Variants in LRSAM1 observed in about 807,000 individuals in gnomAD.
LRSAM1 encodes the protein leucine rich repeat and sterile alpha motif containing 1.
Under a neutral mutation model 118.1 loss-of-function variants are expected in LRSAM1, and 96 were observed. The ratio of observed to expected loss-of-function variants is 0.81; its 90% CI spans 0.69 to 0.96. The LOEUF is 0.96. Among genes scored for constraint, LRSAM1 ranks in the 40% least tolerant of loss-of-function variants. The pLI is 0.00. For missense variants in LRSAM1, 804 were observed against 915.5 expected, an observed-to-expected ratio of 0.88 and a Z score of 1.57; for synonymous variants, 322 against 364.2, an observed-to-expected ratio of 0.88 and a Z score of 1.32.
At chr9:127,484,263 CTTTT>C (rs35834839) in intron 16 of LRSAM1, among the ~76,000 whole-genome samples, 1 of 133,684 alleles carries the variant, frequency 7.5e-6, no homozygotes, top group Admixed American at 7.7e-5. Flanking sequence ...ATTTCTTTCC[CTTTT>C]TTTTTTTTTT....
intron 8 of LRSAM1, among the ~76,000 whole-genome samples, chr9:127,461,786 C>T (rs569567133): frequency 3.3e-5 from 5 of 152,260 alleles, no homozygotes; most frequent in East Asian, 1.9e-4. Flanking sequence ...CCCGCAGGAG[C>T]GCTCTGCTCG....
Position 127,494,636 on chromosome 9 carries a change from A to T in LRSAM1, c.1600-684A>T, listed in dbSNP as rs551105962. 2.6e-5 allele frequency among the ~76,000 whole-genome samples: 4 copies of T among 152,332 alleles called. No homozygotes were observed. The South Asian group carries it at 6.2e-4, about 24-fold the overall frequency. On this transcript the variant is annotated intron_variant, in intron 21 of 25. Coordinates refer to ENST00000300417, the MANE Select transcript of LRSAM1 (RefSeq NM_001005373.4). ...ACAGTACTCAACGAAGAGTTATCGAATGGCAGAATAAAAGAATCACATTCA... is the reference window on the plus strand; with the variant it reads ...ACAGTACTCAACGAAGAGTTATCGATTGGCAGAATAAAAGAATCACATTCA...
chr9:127,453,166 C>T (rs1403658421), intron 2 of LRSAM1, among the ~76,000 whole-genome samples: 3 of 152,234 alleles, frequency 2.0e-5, no homozygotes, highest in Non-Finnish European at 2.9e-5. Flanking sequence ...ACTGCAACCT[C>T]TGCCTCCTGG....
At chr9:127,479,094 C>T (rs983018719) in intron 12 of LRSAM1, 131 bp downstream of exon 12, 8 of 992,968 alleles carry the variant, frequency 8.1e-6, no homozygotes, top group South Asian at 4.2e-5. Flanking sequence ...TCCTCTTACA[C>T]GCAGTCTGCT....
intron 19 of LRSAM1, 132 bp from the exon 20 acceptor site, chr9:127,491,083 C>A: frequency 1.3e-6 from 1 of 779,568 alleles, no homozygotes; most frequent in Non-Finnish European, 2.3e-6. Flanking sequence ...CCGCAGGTTC[C>A]CCTCATTCCA....
chr9:127,492,756 C>G, intron 20 of LRSAM1, 46 bp from the exon 21 acceptor site: 1 of 1,578,140 alleles, frequency 6.3e-7, no homozygotes, highest in Non-Finnish European at 8.7e-7. Context: ...GGGACTCCTG[C>G]GCTGCCGCCA....
chr9:127,457,528 A>G (rs1834565303), intron 6 of LRSAM1, 135 bp downstream of exon 6: 13 of 819,580 alleles, frequency 1.6e-5, no homozygotes, highest in Non-Finnish European at 2.4e-5. Context: ...TTTGATCAGT[A>G]TGGTTTACTG....
chr9:127,487,049 C>G (rs568734280), intron 17 of LRSAM1, among the ~76,000 whole-genome samples: 29 of 151,908 alleles, frequency 1.9e-4, no homozygotes, highest in Non-Finnish European at 3.1e-4. Flanking sequence ...CCAAACGTAG[C>G]AGTGGGCGCC....
chr9:127,481,591 A>G (rs1290120272), intron 15 of LRSAM1, among the ~76,000 whole-genome samples: 1 of 152,182 alleles, frequency 6.6e-6, no homozygotes, highest in Non-Finnish European at 1.5e-5. Context: ...GATTCTCCAG[A>G]GGATTATGCC....
At chr9:127,493,513 G>A (rs974324643) in intron 21 of LRSAM1, among the ~76,000 whole-genome samples, 13 of 152,202 alleles carry the variant, frequency 8.5e-5, no homozygotes, top group African/African-American at 1.2e-4. Flanking sequence ...ATTCCTTGAC[G>A]TCCTTTCTCA....
intron 15 of LRSAM1, 138 bp from the exon 16 acceptor site, chr9:127,482,812 C>T (rs535790217): frequency 3.3e-5 from 25 of 754,856 alleles, no homozygotes; most frequent in South Asian, 1.2e-4. Flanking sequence ...GCTTGTGATG[C>T]GGTAGGCATC....
chr9:127,477,808 G>T (rs1322703152), intron 11 of LRSAM1, among the ~76,000 whole-genome samples: 2 of 152,104 alleles, frequency 1.3e-5, no homozygotes, highest in Non-Finnish European at 2.9e-5. Context: ...AGCACTTTGG[G>T]AGGCCGAGGC....
In LRSAM1 at chr9:127,467,807, C is replaced by G; in HGVS notation, c.596C>G (p.Ala199Gly). The G allele has an allele frequency of 6.2e-7, 1 of 1,604,568 alleles. No homozygotes were observed. The highest frequency in any genetic ancestry group is 8.5e-7 in the Non-Finnish European group (1 of 1,177,120). ...PREVCGAGTAAILQFLCKESG... is the reference protein window; with the variant it reads ...PREVCGAGTAGILQFLCKESG... ...GAGGTGTGTGGTGCCGGCACTGCGG[C>G]CATCTTGCAGTTCCTCTGCAAAGGT... is the stretch of plus-strand genomic sequence containing the variant. Residue 199 changes from alanine to glycine, a missense_variant, in exon 10 of 26, where the codon GCC (alanine) becomes GGC (glycine). Physicochemically the swap from Ala to Gly is moderately conservative, Grantham distance 60. Coordinates refer to ENST00000300417, the MANE Select transcript of LRSAM1 (RefSeq NM_001005373.4).
At chr9:127,471,472 TAA>T (rs71380064) in intron 10 of LRSAM1, among the ~76,000 whole-genome samples, 27,718 of 67,532 alleles carry the variant, frequency 0.41, 3,220 homozygotes, top group Middle Eastern at 0.51. Context: ...CCTTATGTTA[TAA>T]AAAAAAAAAA....
intron 2 of LRSAM1, among the ~76,000 whole-genome samples, chr9:127,453,123 C>G (rs1042489343): frequency 5.3e-5 from 8 of 152,118 alleles, no homozygotes; most frequent in African/African-American, 1.9e-4. Flanking sequence ...CCTCTGTCAC[C>G]CAGGCTGGAG....
Position 127,483,512 on chromosome 9 carries a change from T to G in LRSAM1, c.1159+492T>G, listed in dbSNP as rs7034813. ...GGATTGTTTAAATAAATGTTGGTGA[T>G]CCATATGCTGTGGCACTCTGCAGTA... On this transcript the variant is annotated intron_variant, in intron 16 of 25. Transcript: ENST00000300417. Among the ~76,000 whole-genome samples, 1,106 of 152,090 alleles carry G rather than the reference T, an allele frequency of 7.3e-3. 14 individuals are homozygous for G. The highest frequency in any genetic ancestry group is 0.025 in the African/African-American group (1,027 of 41,494).
chr9:127,480,791 A>G (rs892049474), intron 14 of LRSAM1, among the ~76,000 whole-genome samples: 3 of 152,026 alleles, frequency 2.0e-5, no homozygotes, highest in Non-Finnish European at 4.4e-5. Flanking sequence ...AGGTTCAAGC[A>G]ATTCTCTTGC....
intron 24 of LRSAM1, among the ~76,000 whole-genome samples, chr9:127,499,170 T>G (rs535183475): frequency 1.8e-4 from 28 of 151,816 alleles, no homozygotes; most frequent in African/African-American, 6.0e-4. Flanking sequence ...CCCAGGAGTT[T>G]GAGACCAGCC....
intron 8 of LRSAM1, 73 bp downstream of exon 8, chr9:127,461,330 G>GC: frequency 7.1e-7 from 1 of 1,401,062 alleles, no homozygotes; most frequent in Non-Finnish European, 1.0e-6. Flanking sequence ...TCCACAGGCT[G>GC]CCCCGCCCGG....
Sources: gnomAD v4.1 joint callset for allele counts (sites outside exome capture counted in the v4.1 genomes callset) on GRCh38, gnomAD v4.1.1 for gene constraint, MANE v1.5 for transcripts, NCBI Gene and HGNC (gene_info 2026-07-23, HGNC 2026-07-21) for gene names.